The following NKAIN3 variants were observed in gnomAD, a reference collection of about 807,000 sequenced individuals.
NKAIN3 encodes sodium/potassium-transporting ATPase subunit beta-1-interacting protein 3.
A neutral mutation model predicts 30.2 loss-of-function variants in NKAIN3; 25 were observed. The observed-to-expected ratio is 0.83, with a 90% CI of 0.60 to 1.16. The LOEUF is 1.16. NKAIN3 is among the 50% of genes most tolerant of loss of function. NKAIN3 has a pLI of 0.00. For missense variants in NKAIN3, 225 were observed against 254.1 expected, an observed-to-expected ratio of 0.89 and a Z score of 0.78; for synonymous variants, 91 against 89.6, an observed-to-expected ratio of 1.02 and a Z score of -0.09.
At chr8:62,739,128 G>A (rs1815777591) in intron 3 of NKAIN3, among the ~76,000 whole-genome samples, 1 of 152,092 alleles carries the variant, frequency 6.6e-6, no homozygotes, top group African/African-American at 2.4e-5. Context: ...TTGGAGGCTA[G>A]GAGAGGAATA....
At chr8:62,880,024 C>T (rs1586304170) in intron 4 of NKAIN3, among the ~76,000 whole-genome samples, 1 of 152,172 alleles carries the variant, frequency 6.6e-6, no homozygotes, top group Non-Finnish European at 1.5e-5. Flanking sequence ...AACTTTACAG[C>T]CTCCTCCGAG....
At chr8:62,506,939 A>AG (rs1359695051) in intron 1 of NKAIN3, among the ~76,000 whole-genome samples, 2 of 152,156 alleles carry the variant, frequency 1.3e-5, no homozygotes, top group Non-Finnish European at 2.9e-5. Context: ...ATGGGTTAAA[A>AG]GCATCTTTTC....
chr8:62,626,119 C>A (rs1811780137), intron 3 of NKAIN3, among the ~76,000 whole-genome samples: 1 of 152,074 alleles, frequency 6.6e-6, no homozygotes. Context: ...TAAGCACTCT[C>A]TCCTCACTGG....
At chr8:62,418,383 C>T (rs1804521590) in intron 1 of NKAIN3, among the ~76,000 whole-genome samples, 1 of 152,180 alleles carries the variant, frequency 6.6e-6, no homozygotes, top group Non-Finnish European at 1.5e-5. Flanking sequence ...TACTTCTTCT[C>T]TGATAGAGAT....
chr8:62,510,711 G>C (rs1449617262), intron 1 of NKAIN3, among the ~76,000 whole-genome samples: 2 of 152,058 alleles, frequency 1.3e-5, no homozygotes, highest in African/African-American at 4.8e-5. Context: ...GGAGAAAATG[G>C]CTTAAAACTT....
At chr8:62,302,752 C>T (rs538167342) in intron 1 of NKAIN3, among the ~76,000 whole-genome samples, 1 of 152,126 alleles carries the variant, frequency 6.6e-6, no homozygotes, top group Non-Finnish European at 1.5e-5. Flanking sequence ...AGTTTATTTT[C>T]TTCTTAGTAA....
intron 4 of NKAIN3, among the ~76,000 whole-genome samples, chr8:62,807,568 T>A (rs1287506230): frequency 6.7e-6 from 1 of 149,872 alleles, no homozygotes; most frequent in East Asian, 1.9e-4. Context: ...TTTTTTTTTT[T>A]TTTGAGACAA....
intron 3 of NKAIN3, among the ~76,000 whole-genome samples, chr8:62,607,409 C>T (rs1035169543): frequency 2.6e-5 from 4 of 152,112 alleles, no homozygotes; most frequent in Admixed American, 6.6e-5. Flanking sequence ...TGCACCTTCT[C>T]TTGGGACCAT....
chr8:62,490,508 G>T (rs543467126), intron 1 of NKAIN3, among the ~76,000 whole-genome samples: 1 of 152,138 alleles, frequency 6.6e-6, no homozygotes, highest in Non-Finnish European at 1.5e-5. Flanking sequence ...AAGAGATGAA[G>T]CAATCACATT....
chr8:62,598,350 T>C (rs893418000), intron 3 of NKAIN3, among the ~76,000 whole-genome samples: 7 of 152,000 alleles, frequency 4.6e-5, no homozygotes, highest in African/African-American at 1.4e-4. Context: ...GTTGCATCTG[T>C]GTATGCCTAA....
intron 1 of NKAIN3, among the ~76,000 whole-genome samples, chr8:62,347,397 C>T (rs1221403442): frequency 6.6e-6 from 1 of 151,982 alleles, no homozygotes; most frequent in Non-Finnish European, 1.5e-5. Context: ...AAAAAGATAT[C>T]AGAATATCTT....
At chr8:62,792,144 A>C (rs1438454223) in intron 4 of NKAIN3, among the ~76,000 whole-genome samples, 1 of 152,100 alleles carries the variant, frequency 6.6e-6, no homozygotes, top group Non-Finnish European at 1.5e-5. Flanking sequence ...TTCAATGTGA[A>C]TACTCCTAAA....
At chr8:62,696,618 C>T (rs969479219) in intron 3 of NKAIN3, among the ~76,000 whole-genome samples, 3 of 151,754 alleles carry the variant, frequency 2.0e-5, no homozygotes, top group African/African-American at 7.3e-5. Context: ...GATAGAAATT[C>T]TGCATTTTTG....
intron 3 of NKAIN3, among the ~76,000 whole-genome samples, chr8:62,641,213 T>C (rs796883152): frequency 7.2e-5 from 11 of 152,232 alleles, no homozygotes; most frequent in East Asian, 5.8e-4. Context: ...TTCTAGATGA[T>C]AAAAGAAGCT....
In NKAIN3 at chr8:62,501,705, T is replaced by A. The variant is rs182762560; in HGVS notation, c.55-77834T>A. Among the ~76,000 whole-genome samples the A allele has an allele frequency of 3.4e-3, 519 of 152,332 alleles. 2 individuals are homozygous for A. Among genetic ancestry groups the A allele is most frequent in the African/African-American group, 0.012 (500 of 41,588 alleles). ...ATTATTCTTCCTATGGTACCCTAAA[T>A]GTTTGCTTAGTGATTACTCAACTTA... On this transcript the variant is annotated intron_variant, in intron 1 of 6. Transcript: ENST00000623646.
intron 4 of NKAIN3, among the ~76,000 whole-genome samples, chr8:62,884,511 C>T (rs899421619): frequency 1.3e-5 from 2 of 152,172 alleles, no homozygotes; most frequent in Non-Finnish European, 2.9e-5. Context: ...CCCACCTCGG[C>T]CTCCCAAAGT....
At chr8:62,712,055 C>A (rs1814739429) in intron 3 of NKAIN3, among the ~76,000 whole-genome samples, 1 of 152,186 alleles carries the variant, frequency 6.6e-6, no homozygotes, top group Admixed American at 6.5e-5. Context: ...TGGGCTGGTA[C>A]TGGGGGTTGT....
chr8:62,807,872 G>T (rs1440825746), intron 4 of NKAIN3, among the ~76,000 whole-genome samples: 1 of 150,616 alleles, frequency 6.6e-6, no homozygotes, highest in Non-Finnish European at 1.5e-5. Flanking sequence ...ATGATTTATT[G>T]TTTAAGGTAT....
chr8:62,450,627 A>G (rs536311387), intron 1 of NKAIN3, among the ~76,000 whole-genome samples: 1 of 152,322 alleles, frequency 6.6e-6, no homozygotes, highest in South Asian at 2.1e-4. Context: ...AGAAAACTTC[A>G]CTGGCCTGTT....
Sources: allele counts gnomAD v4.1 joint callset (sites outside exome capture counted in the v4.1 genomes callset), GRCh38; gene constraint gnomAD v4.1.1; transcripts MANE v1.5; gene names NCBI Gene and HGNC (gene_info 2026-07-23, HGNC 2026-07-21).